HNRNPA2B1: variants seen among roughly 807,000 people sequenced by gnomAD.
The protein encoded by HNRNPA2B1 is heterogeneous nuclear ribonucleoproteins A2/B1.
In HNRNPA2B1, 3 loss-of-function variants were observed where a neutral mutation model predicts 46.3. The ratio of observed to expected loss-of-function variants is 0.06; its 90% CI spans 0.03 to 0.17. The LOEUF is 0.17. Among genes scored for constraint, HNRNPA2B1 ranks in the 10% least tolerant of loss-of-function variants. The pLI is 1.00. For missense variants in HNRNPA2B1, 221 were observed against 418.9 expected (o/e 0.53, Z 4.12); for synonymous variants, 225 against 133.8 (o/e 1.68, Z -4.70).
At chr7:26,200,490 G>C in intron 1 of HNRNPA2B1, 82 bp downstream of exon 1, 1 of 1,403,110 alleles carries the variant, frequency 7.1e-7, no homozygotes, top group Non-Finnish European at 1.0e-6. Context: ...CTCTCCCACG[G>C]AGGCGGCTGG....
intron 1 of HNRNPA2B1, chr7:26,198,073 A>T: frequency 2.5e-6 from 1 of 398,484 alleles, no homozygotes; most frequent in South Asian, 8.2e-5. Flanking sequence ...GTAGACCGTG[A>T]TTATCAAAGG....
chr7:26,199,667 T>G (rs1210111741), intron 1 of HNRNPA2B1: 1 of 152,164 alleles, frequency 6.6e-6, no homozygotes, highest in African/African-American at 2.4e-5. Context: ...CTGCCCCTCG[T>G]GGCCGATGGC....
At chr7:26,195,693 C>G in intron 7 of HNRNPA2B1, 154 bp downstream of exon 7, 1 of 772,142 alleles carries the variant, frequency 1.3e-6, no homozygotes, top group Non-Finnish European at 2.0e-6. Context: ...GCTAAGATGG[C>G]AAAACTACTT....
chr7:26,191,954 C>G lies in HNRNPA2B1; in HGVS notation c.*406G>C, dbSNP rs969308297. ...ACGTTATGTCTTATTACACCATGAT[C>G]CTGGCTAATAGCTTTTCAAAACTTT... On this transcript the variant is annotated 3_prime_UTR_variant, in exon 11 of 11. Transcript: ENST00000618183. The G allele has an allele frequency of 6.6e-6, 1 of 152,638 alleles. No homozygotes were observed. Among genetic ancestry groups the G allele is most frequent in the African/African-American group, 2.4e-5 (1 of 41,428 alleles). The allele number at this position is 152,638 out of a possible 1,614,324, so 9.5% of individuals were successfully genotyped here. A position where few individuals can be genotyped will look rare whatever the true frequency, so the allele number is the denominator to read the frequency against.
At chr7:26,197,046 C>A (rs370538706) in intron 3 of HNRNPA2B1, 29 bp from the exon 4 acceptor site, 2 of 1,547,538 alleles carry the variant, frequency 1.3e-6, no homozygotes, top group Admixed American at 1.8e-5. Context: ...AAAAGTCATC[C>A]AAACAGAAAA....
At chr7:26,196,508 A>C (rs193001912) in intron 5 of HNRNPA2B1, 27 bp from the exon 6 acceptor site, 10 of 1,613,558 alleles carry the variant, frequency 6.2e-6, no homozygotes, top group Admixed American at 3.3e-5. Flanking sequence ...AGTTAGAAGC[A>C]AGCCCTTATA....
intron 7 of HNRNPA2B1, among the ~76,000 whole-genome samples, chr7:26,194,833 G>A (rs1056590363): frequency 9.9e-5 from 15 of 150,978 alleles, no homozygotes; most frequent in East Asian, 9.7e-4. Context: ...GGTTGCTCAC[G>A]CCTGTAACCC....
At position 26,200,717 on chromosome 7, in the gene HNRNPA2B1, C is replaced by T. The variant is rs1240408015; in HGVS notation, c.-140G>A. On this transcript the variant is annotated 5_prime_UTR_variant, in exon 1 of 11. Transcript: ENST00000618183. ...CGAGAAACAACTCTGCGAGGAGCAC[C>T]TCCGCACGGGACCCGGCGCTGCTGC... 9 of 1,072,888 alleles carry T rather than the reference C, an allele frequency of 8.4e-6. No individual in the cohort carries two copies. Among genetic ancestry groups the T allele is most frequent in the East Asian group, 4.7e-5 (2 of 42,348 alleles). The allele number at this position is 1,072,888 out of a possible 1,614,324, so 66.5% of individuals were successfully genotyped here. A position where few individuals can be genotyped will look rare whatever the true frequency, so the allele number is the denominator to read the frequency against.
At chr7:26,192,635 C>T in intron 9 of HNRNPA2B1, 58 bp from the exon 10 acceptor site, 1 of 1,348,726 alleles carries the variant, frequency 7.4e-7, no homozygotes, top group East Asian at 2.3e-5. Context: ...CATGATCAGC[C>T]TAACACTACA....
chr7:26,197,230 TAAAAC>T (rs1374022752), intron 3 of HNRNPA2B1, 80 bp downstream of exon 3: 11 of 1,458,352 alleles, frequency 7.5e-6, no homozygotes, highest in Non-Finnish European at 9.3e-6. Flanking sequence ...AATCTTGAGT[TAAAAC>T]TAAATTCAGA....
rs924610666 is a variant in HNRNPA2B1 at position 26,200,693 on chromosome 7, G to C, written c.-116C>G. On this transcript the variant is annotated 5_prime_UTR_variant, in exon 1 of 11. Transcript: ENST00000618183. ...GCTGTAGTGAGAACTGCCGCTGCTC[G>C]AGAAACAACTCTGCGAGGAGCACCT... 2.3e-6 allele frequency: 3 copies of C among 1,315,046 alleles called. No homozygotes were observed. The highest frequency in any genetic ancestry group is 2.3e-5 in the East Asian group (1 of 43,498). 81.5% of individuals were successfully genotyped at this position (1,315,046 alleles called of 1,614,324 possible).
intron 2 of HNRNPA2B1, 41 bp downstream of exon 2, chr7:26,197,581 T>TA (rs771780179): frequency 8.3e-6 from 13 of 1,570,176 alleles, no homozygotes; most frequent in Non-Finnish European, 1.1e-5. Context: ...AACATACAGC[T>TA]AAAAGACTAA....
In HNRNPA2B1 at chr7:26,190,159, A is replaced by G. The variant is rs545425109; in HGVS notation, c.*2201T>C. ...AAAAAGTATTTATTTTATAAACTTTATATTTAAAATAGAATTGTAATCTGT... is the reference window on the plus strand; with the variant it reads ...AAAAAGTATTTATTTTATAAACTTTGTATTTAAAATAGAATTGTAATCTGT... On this transcript the variant is annotated 3_prime_UTR_variant, in exon 11 of 11. Coordinates refer to ENST00000618183, the MANE Select transcript of HNRNPA2B1 (RefSeq NM_002137.4). 5 of 152,760 alleles carry G rather than the reference A, an allele frequency of 3.3e-5. No homozygotes were observed. The South Asian group carries it at 6.2e-4, about 19-fold the overall frequency. The allele number at this position is 152,760 out of a possible 1,614,324, so 9.5% of individuals were successfully genotyped here.
chr7:26,195,514 C>A (rs1583983344), intron 7 of HNRNPA2B1, among the ~76,000 whole-genome samples: 2 of 152,120 alleles, frequency 1.3e-5, no homozygotes, highest in African/African-American at 4.8e-5. Flanking sequence ...CTACATATAC[C>A]ACCCCCTTAG....
chr7:26,195,689 A>ATT, intron 7 of HNRNPA2B1, 158 bp downstream of exon 7: 1 of 722,734 alleles, frequency 1.4e-6, no homozygotes, highest in Non-Finnish European at 2.2e-6. Flanking sequence ...AACAGCTAAG[A>ATT]TGGCAAAACT....
chr7:26,199,846 C>T (rs1784163194), intron 1 of HNRNPA2B1: 1 of 152,170 alleles, frequency 6.6e-6, no homozygotes, highest in African/African-American at 2.4e-5. Flanking sequence ...GATATCTTCT[C>T]TGAAACCGGG....
chr7:26,191,344 T>C lies in HNRNPA2B1; in HGVS notation c.*1016A>G, dbSNP rs1317315988. ...ATGTTAAACTACGTAAGAACCACTA[T>C]ACTGAAAGACCATTTAAGAGTATTA... On this transcript the variant is annotated 3_prime_UTR_variant, in exon 11 of 11. Transcript: ENST00000618183. 1.3e-5 allele frequency: 2 copies of C among 152,200 alleles called. No individual in the cohort carries two copies. The highest frequency in any genetic ancestry group is 2.9e-5 in the Non-Finnish European group (2 of 68,018). 9.4% of individuals were successfully genotyped at this position (152,200 alleles called of 1,614,324 possible).
rs1259520205 is a variant in HNRNPA2B1, at chr7:26,191,350, A to G, written c.*1010T>C. 6.6e-6 allele frequency: 1 copy of G among 152,182 alleles called. No homozygotes were observed. The allele number at this position is 152,182 out of a possible 1,614,324, so 9.4% of individuals were successfully genotyped here. ...AACTACGTAAGAACCACTATACTGA[A>G]AGACCATTTAAGAGTATTAGTTTAT... On this transcript the variant is annotated 3_prime_UTR_variant, in exon 11 of 11. Transcript: ENST00000618183.
At position 26,196,918 on chromosome 7, in the gene HNRNPA2B1, C is replaced by T; in HGVS notation, c.364G>A (p.Glu122Lys). ...TCAATGGTATCAATTTTTCCATATT[C>T]CTCAAAGTAATCTCTAAGGTGATGT... ...EEHHLRDYFE[E>K]YGKIDTIEII... Residue 122 changes from glutamate to lysine, a missense_variant, in exon 4 of 11, where the codon GAA becomes AAA. Coordinates refer to ENST00000618183, the MANE Select transcript of HNRNPA2B1 (RefSeq NM_002137.4). 1 of 1,613,586 alleles carries T rather than the reference C, an allele frequency of 6.2e-7. No individual in the cohort carries two copies. The highest frequency in any genetic ancestry group is 8.5e-7 in the Non-Finnish European group (1 of 1,179,582).
Sources: allele counts gnomAD v4.1 joint callset (sites outside exome capture counted in the v4.1 genomes callset), GRCh38; gene constraint gnomAD v4.1.1; transcripts MANE v1.5; gene names NCBI Gene and HGNC (gene_info 2026-07-23, HGNC 2026-07-21).